The following NPAS1 variants were observed in gnomAD, a reference collection of about 807,000 sequenced individuals.
NPAS1 encodes the protein neuronal PAS domain protein 1.
In NPAS1, 29 loss-of-function variants were observed where a neutral mutation model predicts 49.2. The observed-to-expected ratio is 0.59, with a 90% CI of 0.44 to 0.80. NPAS1 has a LOEUF of 0.80. Ranked by LOEUF, NPAS1 falls within the 30% of genes least tolerant of loss-of-function variation. The pLI is 0.00. For synonymous variants in NPAS1, 408 were observed against 380.4 expected (o/e 1.07, Z -0.84); for missense variants, 825 against 835.5 (o/e 0.99, Z 0.15).
chr19:47,033,468 T>G (rs1293880915), intron 5 of NPAS1, among the ~76,000 whole-genome samples: 1 of 151,752 alleles, frequency 6.6e-6, no homozygotes, highest in East Asian at 1.9e-4. Context: ...TCTTGAACTC[T>G]CAATCTCAGG....
chr19:47,038,983 C>A, intron 6 of NPAS1, 53 bp from the exon 7 acceptor site: 1 of 1,506,508 alleles, frequency 6.6e-7, no homozygotes, highest in East Asian at 2.3e-5. Context: ...GTCAGGGTGG[C>A]CTGTGTGTTT....
Position 47,045,395 on chromosome 19 carries a change from A to C in NPAS1, c.1517A>C (p.Asp506Ala). Residue 506 changes from aspartate (D) to alanine (A), a missense_variant, in exon 12 of 12, where the codon GAT becomes GCT. Coordinates refer to ENST00000602212, the MANE Select transcript of NPAS1 (RefSeq NM_002517.4). The part of the protein sequence containing the change: ...SVIRAGVLKQ[D>A]PVRPWGLAPP... The stretch of plus-strand genomic sequence containing the variant: ...ATCCGGGCAGGGGTCCTGAAGCAGG[A>C]TCCGGTGCGGCCATGGGGCCTGGCG... The C allele has an allele frequency of 6.2e-7, 1 of 1,612,526 alleles. No homozygotes were observed. The highest frequency in any genetic ancestry group is 8.5e-7 in the Non-Finnish European group (1 of 1,179,550).
intron 3 of NPAS1, among the ~76,000 whole-genome samples, chr19:47,031,147 G>T (rs2056902507): frequency 6.6e-6 from 1 of 150,488 alleles, no homozygotes; most frequent in Non-Finnish European, 1.5e-5. Context: ...CATAGCACTG[G>T]CCACAAAGGG....
intron 10 of NPAS1, among the ~76,000 whole-genome samples, chr19:47,042,141 A>G (rs1050698913): frequency 6.6e-6 from 1 of 152,056 alleles, no homozygotes; most frequent in African/African-American, 2.4e-5. Flanking sequence ...CCTCATCTCT[A>G]CTAAAAATTT....
Position 47,021,202 on chromosome 19 carries a change from C to A in NPAS1, c.122+33C>A, listed in dbSNP as rs1233722133. 6.7e-7 allele frequency: 1 copy of A among 1,488,196 alleles called. No homozygotes were observed. The highest frequency in any genetic ancestry group is 9.0e-7 in the Non-Finnish European group (1 of 1,116,194). The allele number at this position is 1,488,196 out of a possible 1,614,324, so 92.2% of individuals were successfully genotyped here. On this transcript the variant is annotated intron_variant, in intron 2 of 11. Coordinates refer to ENST00000602212, the MANE Select transcript of NPAS1 (RefSeq NM_002517.4). This position sits in a 1 kb window ranked among gnomAD's most constrained non-coding sequence, Gnocchi z 5.7. ...AAGCCCCGCCCCCCTGGCCGCGGGC[C>A]CCCCCCCGGGTCCAATTCACACCCG...
At chr19:47,025,085 C>T (rs368676735) in intron 3 of NPAS1, among the ~76,000 whole-genome samples, 4 of 133,082 alleles carry the variant, frequency 3.0e-5, no homozygotes, top group South Asian at 2.3e-4. Flanking sequence ...CGTGAGGCGC[C>T]GTGCCCGGCT....
intron 3 of NPAS1, among the ~76,000 whole-genome samples, chr19:47,029,284 A>G (rs983231714): frequency 1.3e-5 from 2 of 151,912 alleles, no homozygotes; most frequent in South Asian, 2.1e-4. Flanking sequence ...GGGTTTCACT[A>G]TGTTGGCCAG....
intron 8 of NPAS1, among the ~76,000 whole-genome samples, 198 bp downstream of exon 8, chr19:47,039,762 G>A (rs1034198996): frequency 1.2e-4 from 18 of 152,246 alleles, no homozygotes; most frequent in Admixed American, 5.2e-4. Context: ...TAGCCCAGGG[G>A]TGCCTTCGGG....
At chr19:47,038,793 T>G (rs550191962) in intron 6 of NPAS1, among the ~76,000 whole-genome samples, 7 of 151,784 alleles carry the variant, frequency 4.6e-5, no homozygotes, top group African/African-American at 1.5e-4. Context: ...CGCCATTCAC[T>G]CCAGCCTGGA....
At chr19:47,042,461 C>T (rs4577206) in intron 10 of NPAS1, among the ~76,000 whole-genome samples, 134,582 of 152,204 alleles carry the variant, frequency 0.88, 59,502 homozygotes, top group East Asian at 0.97. Flanking sequence ...CCATCTTCTG[C>T]CCAGGTCTCT....
At chr19:47,031,417 C>G (rs1325507171) in intron 3 of NPAS1, among the ~76,000 whole-genome samples, 2 of 152,110 alleles carry the variant, frequency 1.3e-5, no homozygotes, top group East Asian at 3.9e-4. Flanking sequence ...AGGCTGGTCT[C>G]AAACTCCTGA....
Position 47,039,407 on chromosome 19 carries a change from G to A in NPAS1, c.805G>A (p.Val269Ile). Residue 269 changes from valine (V) to isoleucine (I), a missense_variant and splice_region_variant, in exon 8 of 12, where the codon GTC becomes ATC. By Grantham distance (29) the Val-to-Ile change is conservative. Coordinates refer to ENST00000602212, the MANE Select transcript of NPAS1 (RefSeq NM_002517.4). The part of the protein sequence containing the change: ...GLHVKASGYK[V>I]IHVTGRLRAH... Reference sequence around the variant, plus strand: ...CTCCAACCATGCCCACCACCAGCAGGTCATCCACGTGACTGGGCGCCTTCG... The same window carrying A: ...CTCCAACCATGCCCACCACCAGCAGATCATCCACGTGACTGGGCGCCTTCG... 1 of 1,611,726 alleles carries A rather than the reference G, an allele frequency of 6.2e-7. No homozygotes were observed. The highest frequency in any genetic ancestry group is 1.1e-5 in the South Asian group (1 of 90,942).
chr19:47,022,978 CCT>C (rs1356310662), intron 3 of NPAS1, among the ~76,000 whole-genome samples: 1 of 152,206 alleles, frequency 6.6e-6, no homozygotes, highest in African/African-American at 2.4e-5. Flanking sequence ...CCAGGCTACC[CCT>C]GTCCCCACCC....
rs1226433308 is a variant in NPAS1, at chr19:47,045,680, C to T, written c.*29C>T. The T allele has an allele frequency of 7.2e-6, 10 of 1,392,332 alleles. No individual in the cohort carries two copies. Among genetic ancestry groups the T allele is most frequent in the Admixed American group, 3.4e-5 (1 of 29,714 alleles). The allele number at this position is 1,392,332 out of a possible 1,614,324, so 86.2% of individuals were successfully genotyped here. ...CTGGCAGAGCTGCCGGCGCCGGACC[C>T]TGCGACAACCGGGGTCCCCCAGGAC... On this transcript the variant is annotated 3_prime_UTR_variant, in exon 12 of 12. Coordinates refer to ENST00000602212, the MANE Select transcript of NPAS1 (RefSeq NM_002517.4).
At chr19:47,039,738 C>G (rs1202124752) in intron 8 of NPAS1, among the ~76,000 whole-genome samples, 174 bp downstream of exon 8, 2 of 152,082 alleles carry the variant, frequency 1.3e-5, no homozygotes, top group Admixed American at 1.3e-4. Flanking sequence ...AGGCAGGGGA[C>G]CAGGGCGGAG....
At chr19:47,035,866 T>G in intron 5 of NPAS1, 98 bp from the exon 6 acceptor site, 1 of 1,276,542 alleles carries the variant, frequency 7.8e-7, no homozygotes, top group Admixed American at 3.1e-5. Context: ...GAAGCGCACC[T>G]GCGTGCAGGC....
chr19:47,031,428 C>T (rs2056904573), intron 3 of NPAS1, among the ~76,000 whole-genome samples: 1 of 152,036 alleles, frequency 6.6e-6, no homozygotes, highest in Non-Finnish European at 1.5e-5. Flanking sequence ...AAACTCCTGA[C>T]CTCAAGTGAT....
chr19:47,023,511 G>C (rs375534141), intron 3 of NPAS1, among the ~76,000 whole-genome samples: 20 of 152,254 alleles, frequency 1.3e-4, no homozygotes, highest in African/African-American at 4.8e-4. Flanking sequence ...GGGGACAGAG[G>C]CATTTCTAGC....
Position 47,036,002 on chromosome 19 carries a change from C to T in NPAS1, c.561C>T (p.His187=). Residue 187 remains histidine (H), a synonymous_variant, in exon 6 of 12, where the codon CAC becomes CAT. Transcript: ENST00000602212. ...MTGSSVFDYI[H]PGDHSEVLEQ... ...GCAGCAGCGTCTTCGACTACATTCACCCTGGGGACCACTCAGAGGTGCTGG... is the reference window on the plus strand; with the variant it reads ...GCAGCAGCGTCTTCGACTACATTCATCCTGGGGACCACTCAGAGGTGCTGG... 1.3e-6 allele frequency: 2 copies of T among 1,578,018 alleles called. No individual in the cohort carries two copies. Among genetic ancestry groups the T allele is most frequent in the Non-Finnish European group, 1.7e-6 (2 of 1,163,668 alleles).
Sources: allele counts gnomAD v4.1 joint callset (sites outside exome capture counted in the v4.1 genomes callset), GRCh38; gene constraint gnomAD v4.1.1; non-coding constraint Gnocchi (gnomAD v3.1); transcripts MANE v1.5; gene names NCBI Gene and HGNC (gene_info 2026-07-23, HGNC 2026-07-21).